The following LGR6 variants were observed in gnomAD, a reference collection of about 807,000 sequenced individuals.
LGR6 encodes leucine-rich repeat-containing G protein-coupled receptor 6.
A neutral mutation model predicts 69.4 loss-of-function variants in LGR6; 45 were observed. The ratio of observed to expected loss-of-function variants is 0.65; its 90% CI spans 0.51 to 0.83. The LOEUF (loss-of-function observed/expected upper bound fraction) is 0.83, where lower values mean the gene tolerates loss of function less well. LGR6 is among the 40% of genes least tolerant of loss of function. LGR6 has a pLI of 0.00. For missense variants in LGR6, 1,108 were observed against 1,246.7 expected (o/e 0.89, Z 1.68); for synonymous variants, 538 against 555.0 (o/e 0.97, Z 0.43).
In LGR6 at chr1:202,203,467, G is replaced by A. The variant is rs554871467; in HGVS notation, c.212+9266G>A. Among the ~76,000 whole-genome samples, 5 of 152,252 alleles carry A rather than the reference G, an allele frequency of 3.3e-5. No homozygotes were observed. In the East Asian group the frequency reaches 5.8e-4, roughly 18 times the overall value. ...TACCTGTCATCCCCACTGGTGCTGC[G>A]GTGCCCCTCATGCCCCTTGTTAATA... On this transcript the variant is annotated intron_variant, in intron 1 of 17. Transcript: ENST00000367278.
intron 4 of LGR6, among the ~76,000 whole-genome samples, chr1:202,243,387 G>A (rs1662373909): frequency 6.6e-6 from 1 of 152,158 alleles, no homozygotes. Context: ...TTGAGCCCTG[G>A]AGACCCTTGG....
chr1:202,251,929 T>G (rs1448569730), intron 4 of LGR6, among the ~76,000 whole-genome samples: 3 of 151,662 alleles, frequency 2.0e-5, no homozygotes, highest in Non-Finnish European at 4.4e-5. Context: ...GGGGCCAGAC[T>G]GAGGGGATGA....
chr1:202,290,323 A>G (rs1314396375), intron 6 of LGR6, among the ~76,000 whole-genome samples: 1 of 152,212 alleles, frequency 6.6e-6, no homozygotes, highest in Non-Finnish European at 1.5e-5. Flanking sequence ...TAACTTCCAA[A>G]TCATAATTAT....
intron 1 of LGR6, chr1:202,210,671 TG>T: frequency 6.6e-6 from 1 of 152,372 alleles, no homozygotes; most frequent in South Asian, 2.1e-4. Context: ...GTGAGACATC[TG>T]TTCTATAAAC....
chr1:202,224,551 A>G (rs1660376290), intron 1 of LGR6, among the ~76,000 whole-genome samples: 1 of 152,216 alleles, frequency 6.6e-6, no homozygotes. Flanking sequence ...TTCCACGGAC[A>G]GGGGTGGAGT....
intron 10 of LGR6, 45 bp downstream of exon 10, chr1:202,303,392 A>G (rs757660102): frequency 1.3e-6 from 2 of 1,485,776 alleles, no homozygotes; most frequent in Non-Finnish European, 9.4e-7. Flanking sequence ...CCCCAGCTTC[A>G]TTCCCAAGAG....
At chr1:202,265,367 T>G (rs1199463683) in intron 4 of LGR6, among the ~76,000 whole-genome samples, 4 of 152,192 alleles carry the variant, frequency 2.6e-5, no homozygotes, top group Non-Finnish European at 5.9e-5. Context: ...GGCCTGGTGA[T>G]GGGTTCCAGA....
chr1:202,279,384 A>G (rs1171788517), intron 5 of LGR6, among the ~76,000 whole-genome samples: 3 of 152,146 alleles, frequency 2.0e-5, no homozygotes, highest in South Asian at 2.1e-4. Context: ...TTACCCATCT[A>G]TGTTGGGTGA....
chr1:202,198,917 A>T (rs540203957), intron 1 of LGR6, among the ~76,000 whole-genome samples: 1 of 151,822 alleles, frequency 6.6e-6, no homozygotes, highest in East Asian at 1.9e-4. Context: ...TTCCAAGGCC[A>T]CCCTTCCCTG....
chr1:202,193,975 A>G lies in LGR6; in HGVS notation c.-15A>G. On this transcript the variant is annotated 5_prime_UTR_variant, in exon 1 of 18. Transcript: ENST00000367278. Reference sequence around the variant, plus strand: ...GCGCCCGGCCGCCAGGTGCCCCAGTAGCCCGACCGCCGAGATGCCCAGCCC... The same window carrying G: ...GCGCCCGGCCGCCAGGTGCCCCAGTGGCCCGACCGCCGAGATGCCCAGCCC... The G allele has an allele frequency of 2.2e-6, 3 of 1,355,094 alleles. No individual in the cohort carries two copies. Among genetic ancestry groups the G allele is most frequent in the Non-Finnish European group, 1.9e-6 (2 of 1,054,224 alleles). The allele number at this position is 1,355,094 out of a possible 1,614,324, so 83.9% of individuals were successfully genotyped here. A position where few individuals can be genotyped will look rare whatever the true frequency, so the allele number is the denominator to read the frequency against.
chr1:202,251,573 AG>A (rs1426759323), intron 4 of LGR6, among the ~76,000 whole-genome samples: 1 of 152,150 alleles, frequency 6.6e-6, no homozygotes, highest in Non-Finnish European at 1.5e-5. Flanking sequence ...TCTATTCCCC[AG>A]GCAGGACTCC....
rs774059242 is a variant in LGR6 at position 202,318,152 on chromosome 1, C to T, written c.1849C>T (p.Leu617Phe). 4.3e-6 allele frequency: 7 copies of T among 1,614,026 alleles called. No individual in the cohort carries two copies. The highest frequency in any genetic ancestry group is 5.9e-6 in the Non-Finnish European group (7 of 1,180,024). ...ANTLTGISCG[L>F]LASVDALTFG... ...CACCTTGACTGGCATTTCCTGTGGC[C>T]TTCTAGCCTCAGTCGATGCCCTGAC... Residue 617 changes from leucine (L) to phenylalanine (F), a missense_variant, in exon 18 of 18, where the codon CTT becomes TTT. Physicochemically the swap from Leu to Phe is conservative, Grantham distance 22. Coordinates refer to ENST00000367278, the MANE Select transcript of LGR6 (RefSeq NM_001017403.2).
intron 1 of LGR6, among the ~76,000 whole-genome samples, chr1:202,195,242 G>A (rs1482220184): frequency 6.6e-6 from 1 of 152,206 alleles, no homozygotes; most frequent in East Asian, 1.9e-4. Context: ...GGCTCCTTAT[G>A]GCTTTGGGGT....
At chr1:202,303,989 T>G (rs950296990) in intron 10 of LGR6, among the ~76,000 whole-genome samples, 1 of 152,184 alleles carries the variant, frequency 6.6e-6, no homozygotes, top group African/African-American at 2.4e-5. Context: ...GACCTTGGCC[T>G]TGGGTCCTTC....
At chr1:202,272,764 C>A (rs1665209349) in intron 4 of LGR6, among the ~76,000 whole-genome samples, 1 of 152,264 alleles carries the variant, frequency 6.6e-6, no homozygotes. Flanking sequence ...ATGTGGCCAG[C>A]AAACGTGTGT....
chr1:202,249,432 C>G (rs1294813803), intron 4 of LGR6, among the ~76,000 whole-genome samples: 2 of 152,146 alleles, frequency 1.3e-5, no homozygotes, highest in Non-Finnish European at 2.9e-5. Context: ...TTCAGTTTCT[C>G]CCTGGGAGGT....
At chr1:202,283,664 G>A (rs1376208227) in intron 6 of LGR6, among the ~76,000 whole-genome samples, 5 of 152,162 alleles carry the variant, frequency 3.3e-5, no homozygotes, top group South Asian at 2.1e-4. Context: ...GGCCAGGTGC[G>A]GGCATGCACA....
chr1:202,285,565 C>T (rs187799162), intron 6 of LGR6, among the ~76,000 whole-genome samples: 13 of 152,340 alleles, frequency 8.5e-5, no homozygotes, highest in African/African-American at 2.9e-4. Context: ...GATGACTTCA[C>T]GTGATGCCTG....
intron 1 of LGR6, among the ~76,000 whole-genome samples, chr1:202,206,067 T>TC (rs1279947976): frequency 6.6e-6 from 1 of 152,226 alleles, no homozygotes; most frequent in African/African-American, 2.4e-5. Flanking sequence ...TTTCATTTTT[T>TC]CTCCCTTCCT....
Sources: gnomAD v4.1 joint callset for allele counts (sites outside exome capture counted in the v4.1 genomes callset) on GRCh38, gnomAD v4.1.1 for gene constraint, MANE v1.5 for transcripts, NCBI Gene and HGNC (gene_info 2026-07-23, HGNC 2026-07-21) for gene names.